ATG4D: variants seen among roughly 807,000 people sequenced by gnomAD.
ATG4D encodes the protein cysteine protease ATG4D.
A neutral mutation model predicts 55.2 loss-of-function variants in ATG4D; 51 were observed. The ratio of observed to expected loss-of-function variants is 0.92; its 90% CI spans 0.74 to 1.17. The LOEUF (loss-of-function observed/expected upper bound fraction) is 1.17. ATG4D is among the 50% of genes most tolerant of loss of function. The probability of loss-of-function intolerance (pLI) is 0.00; values close to 1 mark genes in which losing one functional copy is unlikely to be tolerated. For synonymous variants in ATG4D, 268 were observed against 266.2 expected, an observed-to-expected ratio of 1.01 and a Z score of -0.07; for missense variants, 635 against 649.6, an observed-to-expected ratio of 0.98 and a Z score of 0.25.
At position 10,544,838 on chromosome 19, in the gene ATG4D, T is replaced by C. The variant is rs780069202; in HGVS notation, c.291T>C (p.Cys97=). 33 of 1,613,118 alleles carry C rather than the reference T, an allele frequency of 2.0e-5. No homozygotes were observed. Among genetic ancestry groups the C allele is most frequent in the Non-Finnish European group, 2.5e-5 (30 of 1,179,506 alleles). The part of the protein sequence containing the change: ...SFSKISSIHL[C]GRRYRFEGEG... ...GCAAGATCTCCAGCATCCACCTCTG[T>C]GGCCGCCGCTACCGTTTCGAGGGCG... is the stretch of plus-strand genomic sequence containing the variant. The change falls in exon 2 of 10, where the codon TGT becomes TGC. Residue 97 remains cysteine (C), a synonymous_variant. Transcript: ENST00000309469.
In ATG4D at chr19:10,553,074, G is replaced by A. The variant is rs376003873; in HGVS notation, c.*7G>A. The A allele has an allele frequency of 6.3e-7, 1 of 1,590,766 alleles. No homozygotes were observed. The highest frequency in any genetic ancestry group is 8.5e-7 in the Non-Finnish European group (1 of 1,169,810). ...GGACTTTGTGTTTTTATAAAGGGAGGGGATGAGGGGAAAGATACAACACTA... is the reference window on the plus strand; with the variant it reads ...GGACTTTGTGTTTTTATAAAGGGAGAGGATGAGGGGAAAGATACAACACTA... On this transcript the variant is annotated 3_prime_UTR_variant, in exon 10 of 10. Transcript: ENST00000309469.
intron 3 of ATG4D, among the ~76,000 whole-genome samples, chr19:10,545,604 AC>A (rs1370349847): frequency 6.6e-6 from 1 of 150,584 alleles, no homozygotes; most frequent in Non-Finnish European, 1.5e-5. Context: ...TTCACCAGGC[AC>A]GGTGGCTCAT....
At position 10,552,055 on chromosome 19, in the gene ATG4D, G is replaced by A. The variant is rs1312828958; in HGVS notation, c.1056G>A (p.Leu352=). 3.7e-6 allele frequency: 6 copies of A among 1,609,616 alleles called. No homozygotes were observed. The Admixed American group carries it at 8.4e-5, about 23-fold the overall frequency. The change falls in exon 8 of 10, where the codon CTG becomes CTA. Residue 352 remains leucine, a synonymous_variant. Coordinates refer to ENST00000309469, the MANE Select transcript of ATG4D (RefSeq NM_032885.6). Reference sequence around the variant, plus strand: ...CTGCACCCCCTGCAGATGACTTCCTGCTGTACCTGGACCCTCACTACTGCC... The same window carrying A: ...CTGCACCCCCTGCAGATGACTTCCTACTGTACCTGGACCCTCACTACTGCC... The part of the protein sequence containing the change: ...LYFIGYQDDF[L]LYLDPHYCQP...
chr19:10,552,853 T>G (rs1361066087), intron 9 of ATG4D, 32 bp from the exon 10 acceptor site: 1 of 1,586,198 alleles, frequency 6.3e-7, no homozygotes, highest in East Asian at 2.2e-5. Context: ...TGGCACTGTT[T>G]GTGGCTGACC....
At position 10,547,292 on chromosome 19, in the gene ATG4D, T is replaced by C. The variant is rs191337924; in HGVS notation, c.835+39T>C. 1.1e-3 allele frequency: 1,703 copies of C among 1,599,626 alleles called. 11 individuals carry two copies. The Middle Eastern group carries it at 0.014, about 14-fold the overall frequency. On this transcript the variant is annotated intron_variant, in intron 5 of 9. Coordinates refer to ENST00000309469, the MANE Select transcript of ATG4D (RefSeq NM_032885.6). ...AGCCAAGATCACAGGGGCCCCACCC[T>C]GAGCCAGACTCTGCCTTACCCGATT...
At position 10,544,055 on chromosome 19, in the gene ATG4D, C is replaced by A; in HGVS notation, c.-36C>A. 1 of 1,220,708 alleles carries A rather than the reference C, an allele frequency of 8.2e-7. No homozygotes were observed. Among genetic ancestry groups the A allele is most frequent in the South Asian group, 4.2e-5 (1 of 23,598 alleles). 75.6% of individuals were successfully genotyped at this position (1,220,708 alleles called of 1,614,324 possible). A position where few individuals can be genotyped will look rare whatever the true frequency, so the allele number is the denominator to read the frequency against. On this transcript the variant is annotated 5_prime_UTR_variant, in exon 1 of 10. Coordinates refer to ENST00000309469, the MANE Select transcript of ATG4D (RefSeq NM_032885.6). Reference sequence around the variant, plus strand: ...CTTGGGGGGCAGCGGCCGCAGCCCCCCACCTGGGCCCTCGGTCCGCCCTCC... The same window carrying A: ...CTTGGGGGGCAGCGGCCGCAGCCCCACACCTGGGCCCTCGGTCCGCCCTCC...
chr19:10,544,289 G>A lies in ATG4D; in HGVS notation c.199G>A (p.Ala67Thr). 1.5e-6 allele frequency: 2 copies of A among 1,295,878 alleles called. No homozygotes were observed. Among genetic ancestry groups the A allele is most frequent in the Non-Finnish European group, 2.0e-6 (2 of 1,013,968 alleles). 80.3% of individuals were successfully genotyped at this position (1,295,878 alleles called of 1,614,324 possible). ...GCCGGACGAAGTGGACAAGTTCAAG[G>A]CCAAGTTCCTGACAGCCTGGAACAA... ...SEPDEVDKFKAKFLTAWNNVK... is the reference protein window; with the variant it reads ...SEPDEVDKFKTKFLTAWNNVK... The change falls in exon 1 of 10, where the codon GCC (alanine) becomes ACC (threonine). Residue 67 changes from alanine (A) to threonine (T), a missense_variant. Ala to Thr is a moderately conservative substitution (Grantham distance 58). Transcript: ENST00000309469.
In ATG4D at chr19:10,545,143, G is replaced by C. The variant is rs754711271; in HGVS notation, c.493+13G>C. On this transcript the variant is annotated intron_variant, in intron 3 of 9. Coordinates refer to ENST00000309469, the MANE Select transcript of ATG4D (RefSeq NM_032885.6). The stretch of plus-strand genomic sequence containing the variant: ...TTCCTGCCCAGAGGTGAGCCATAGG[G>C]GGGAAGGGGTGCACTAGGAGTACAG... 6.2e-7 allele frequency: 1 copy of C among 1,606,112 alleles called. No homozygotes were observed. The highest frequency in any genetic ancestry group is 8.5e-7 in the Non-Finnish European group (1 of 1,179,800).
At position 10,544,588 on chromosome 19, in the gene ATG4D, T is replaced by C. The variant is rs913629791; in HGVS notation, c.236-195T>C. 4 of 1,185,040 alleles carry C rather than the reference T, an allele frequency of 3.4e-6. No individual in the cohort carries two copies. In the African/African-American group the frequency reaches 6.2e-5, roughly 18 times the overall value. 73.4% of individuals were successfully genotyped at this position (1,185,040 alleles called of 1,614,324 possible). A position where few individuals can be genotyped will look rare whatever the true frequency, so the allele number is the denominator to read the frequency against. On this transcript the variant is annotated intron_variant, in intron 1 of 9. Transcript: ENST00000309469. ...GTAAAATGGGTACAATAATCAGAACTACCTTCCTTCATCCTGAATTGATGG... is the reference window on the plus strand; with the variant it reads ...GTAAAATGGGTACAATAATCAGAACCACCTTCCTTCATCCTGAATTGATGG...
chr19:10,548,003 ATTTTTTTTTTTTTTTTTTTTTTTTTT>A lies in ATG4D; in HGVS notation c.835+770_835+795del, dbSNP rs60924749. 2.3e-3 allele frequency among the ~76,000 whole-genome samples: 81 copies of A among 35,002 alleles called. 1 individual carries two copies. The highest frequency in any genetic ancestry group is 5.2e-3 in the African/African-American group (49 of 9,428). The allele number at this position is 35,002 out of a possible 152,430, so 23.0% of individuals were successfully genotyped here. A position where few individuals can be genotyped will look rare whatever the true frequency, so the allele number is the denominator to read the frequency against. ...TGAGCCACTGTGCCCAGCCCCTGTA[ATTTTTTTTTTTTTTTTTTTTTTTTTT>A]TTTTTTTTTTTTTTTTTTTGAGACA... is the stretch of plus-strand genomic sequence containing the variant. On this transcript the variant is annotated intron_variant, in intron 5 of 9. Transcript: ENST00000309469.
At position 10,549,016 on chromosome 19, in the gene ATG4D, G is replaced by T; in HGVS notation, c.948G>T (p.Val316=). ...VRLGGETLNP[V]YVPCVKELLR... ...TGGGTGGCGAGACTCTCAACCCCGT[G>T]TATGTGCCCTGCGTGAAGGTAGGTT... The change falls in exon 6 of 10, where the codon GTG becomes GTT. Residue 316 remains valine (V), a synonymous_variant. Transcript: ENST00000309469. 1 of 1,614,116 alleles carries T rather than the reference G, an allele frequency of 6.2e-7. No individual in the cohort carries two copies. Among genetic ancestry groups the T allele is most frequent in the Non-Finnish European group, 8.5e-7 (1 of 1,180,026 alleles).
intron 9 of ATG4D, 21 bp from the exon 10 acceptor site, chr19:10,552,864 C>G (rs1412151923): frequency 1.9e-6 from 3 of 1,594,746 alleles, no homozygotes; most frequent in Non-Finnish European, 1.7e-6. Flanking sequence ...GTGGCTGACC[C>G]TGTCTCCCTC....
rs1916353368 is a variant in ATG4D at position 10,553,121 on chromosome 19, T to A, written c.*54T>A. 3 of 1,509,596 alleles carry A rather than the reference T, an allele frequency of 2.0e-6. 1 individual carries two copies. The highest frequency in any genetic ancestry group is 4.1e-5 in the Admixed American group (2 of 48,418). The allele number at this position is 1,509,596 out of a possible 1,614,324, so 93.5% of individuals were successfully genotyped here. A position where few individuals can be genotyped will look rare whatever the true frequency, so the allele number is the denominator to read the frequency against. On this transcript the variant is annotated 3_prime_UTR_variant, in exon 10 of 10. Coordinates refer to ENST00000309469, the MANE Select transcript of ATG4D (RefSeq NM_032885.6). Reference sequence around the variant, plus strand: ...ACTATTTATTTTTTTATTTATGTCATGTCGGGTGTGGGATCTTGAGCTCTG... The same window carrying A: ...ACTATTTATTTTTTTATTTATGTCAAGTCGGGTGTGGGATCTTGAGCTCTG...
chr19:10,547,991 C>A, intron 5 of ATG4D, among the ~76,000 whole-genome samples: 1 of 130,404 alleles, frequency 7.7e-6, no homozygotes, highest in Admixed American at 8.2e-5. Context: ...GCCACTGTGC[C>A]CAGCCCCTGT....
chr19:10,551,980 GCCCACCCCCTCCTCACTCCT>G lies in ATG4D; in HGVS notation c.1045+15_1045+34del. The G allele has an allele frequency of 3.1e-6, 5 of 1,607,854 alleles. No individual in the cohort carries two copies. Among genetic ancestry groups the G allele is most frequent in the Non-Finnish European group, 4.2e-6 (5 of 1,177,680 alleles). ...TGTACTTCATTGGCTACCAAGGTAG[GCCCACCCCCTCCTCACTCCT>G]CCCACCCCCCACCGCACCCCCACTC... On this transcript the variant is annotated splice_donor_region_variant and intron_variant, in intron 7 of 9. Coordinates refer to ENST00000309469, the MANE Select transcript of ATG4D (RefSeq NM_032885.6).
chr19:10,552,098 A>T lies in ATG4D; in HGVS notation c.1099A>T (p.Ser367Cys). The change falls in exon 8 of 10, where the codon AGC becomes TGC. Residue 367 changes from serine to cysteine, a missense_variant. Physicochemically the swap from Ser to Cys is moderately radical, Grantham distance 112. Coordinates refer to ENST00000309469, the MANE Select transcript of ATG4D (RefSeq NM_032885.6). ...CTACTGCCAGCCCACTGTGGATGTCAGCCAGGCCGACTTCCCCCTGGAGGT... is the reference window on the plus strand; with the variant it reads ...CTACTGCCAGCCCACTGTGGATGTCTGCCAGGCCGACTTCCCCCTGGAGGT... ...PHYCQPTVDV[S>C]QADFPLESFH... 1 of 1,611,156 alleles carries T rather than the reference A, an allele frequency of 6.2e-7. No individual in the cohort carries two copies. The highest frequency in any genetic ancestry group is 8.5e-7 in the Non-Finnish European group (1 of 1,179,918).
In ATG4D at chr19:10,544,090, C is replaced by A; in HGVS notation, c.-1C>A. 8.1e-7 allele frequency: 1 copy of A among 1,239,096 alleles called. No homozygotes were observed. Among genetic ancestry groups the A allele is most frequent in the Non-Finnish European group, 1.0e-6 (1 of 985,164 alleles). 76.8% of individuals were successfully genotyped at this position (1,239,096 alleles called of 1,614,324 possible). A position where few individuals can be genotyped will look rare whatever the true frequency, so the allele number is the denominator to read the frequency against. ...CCTCGGTCCGCCCTCCCGGCGCGTC[C>A]ATGAACTCAGTGTCGCCGGCCGCCG... is the stretch of plus-strand genomic sequence containing the variant. On this transcript the variant is annotated 5_prime_UTR_variant, in exon 1 of 10. Transcript: ENST00000309469.
chr19:10,551,697 CAAAAAA>C lies in ATG4D; in HGVS notation c.967-183_967-178del, dbSNP rs35373422. ...TGGGTGACAGAGTGAGACTCCGTCT[CAAAAAA>C]AAAAAAAAAAAAAAAATTCATGTAA... On this transcript the variant is annotated intron_variant, in intron 6 of 9. Coordinates refer to ENST00000309469, the MANE Select transcript of ATG4D (RefSeq NM_032885.6). 1.7e-4 allele frequency among the ~76,000 whole-genome samples: 16 copies of C among 93,044 alleles called. 1 individual carries two copies. The Admixed American group carries it at 1.7e-3, about 10-fold the overall frequency. The allele number at this position is 93,044 out of a possible 152,430, so 61.0% of individuals were successfully genotyped here. A position where few individuals can be genotyped will look rare whatever the true frequency, so the allele number is the denominator to read the frequency against.
In ATG4D at chr19:10,552,870, C is replaced by G; in HGVS notation, c.1243-15C>G. ...GCACTGTTTGTGGCTGACCCTGTCT[C>G]CCTCTTCCCGCCAGGTCCTCAGCTC... On this transcript the variant is annotated splice_polypyrimidine_tract_variant and intron_variant, in intron 9 of 9. Coordinates refer to ENST00000309469, the MANE Select transcript of ATG4D (RefSeq NM_032885.6). 1 of 1,589,362 alleles carries G rather than the reference C, an allele frequency of 6.3e-7. No homozygotes were observed. Among genetic ancestry groups the G allele is most frequent in the Non-Finnish European group, 8.5e-7 (1 of 1,171,682 alleles).
Sources: gnomAD v4.1 joint callset for allele counts (sites outside exome capture counted in the v4.1 genomes callset) on GRCh38, gnomAD v4.1.1 for gene constraint, MANE v1.5 for transcripts, NCBI Gene and HGNC (gene_info 2026-07-23, HGNC 2026-07-21) for gene names.